The following IFT140 variants were observed in gnomAD, a reference collection of about 807,000 sequenced individuals.
IFT140 encodes the protein intraflagellar transport protein 140 homolog.
In IFT140, 133 loss-of-function variants were observed where a neutral mutation model predicts 164.6. That is an observed-to-expected ratio of 0.81 (90% CI 0.70 to 0.93). IFT140 has a LOEUF of 0.93. IFT140 is among the 40% of genes least tolerant of loss of function. The probability of loss-of-function intolerance (pLI) is 0.00; values close to 1 mark genes in which losing one functional copy is unlikely to be tolerated. For missense variants in IFT140, 2,045 were observed against 1,972.3 expected (o/e 1.04, Z -0.70); for synonymous variants, 860 against 817.3 (o/e 1.05, Z -0.89).
intron 19 of IFT140, 117 bp downstream of exon 19, chr16:1,557,818 G>A (rs1799262422): frequency 1.0e-6 from 1 of 982,188 alleles, no homozygotes; most frequent in South Asian, 1.5e-5. Context: ...AATACACCAT[G>A]ACGCAGTCAT....
Position 1,592,670 on chromosome 16 carries a change from C to T in IFT140, c.370-82G>A. ...AGGGACAGGTGTCCTGGCAGAGCGA[C>T]TGGTGGTGGGACAGGTGTCCCGGCA... is the stretch of plus-strand genomic sequence containing the variant. On this transcript the variant is annotated intron_variant, in intron 4 of 30. Coordinates refer to ENST00000426508, the MANE Select transcript of IFT140 (RefSeq NM_014714.4). The T allele has an allele frequency of 2.0e-6, 3 of 1,519,122 alleles. 1 individual carries two copies. The highest frequency in any genetic ancestry group is 2.7e-6 in the Non-Finnish European group (3 of 1,125,016). The allele number at this position is 1,519,122 out of a possible 1,614,324, so 94.1% of individuals were successfully genotyped here. A position where few individuals can be genotyped will look rare whatever the true frequency, so the allele number is the denominator to read the frequency against.
chr16:1,592,624 TCCCGG>T, intron 4 of IFT140, 36 bp from the exon 5 acceptor site: 3 of 1,588,030 alleles, frequency 1.9e-6, no homozygotes, highest in Non-Finnish European at 1.7e-6. Flanking sequence ...AGGACAGGTG[TCCCGG>T]CAGAGCGACT....
intron 16 of IFT140, 107 bp downstream of exon 16, chr16:1,566,054 G>T: frequency 9.8e-7 from 1 of 1,022,840 alleles, no homozygotes; most frequent in Non-Finnish European, 1.5e-6. Flanking sequence ...ACTGGTGCCT[G>T]CTGGGGCCTT....
In IFT140 at chr16:1,571,475, G is replaced by C; in HGVS notation, c.1584C>G (p.Asp528Glu). ...SETEGNPCFL[D>E]ICGNFLVVGT... ...CTACAACCAGGAAATTCCCACAGAT[G>C]TCCAAGAAGCAGGGATTCCCCTCAG... The change falls in exon 14 of 31, where the codon GAC becomes GAG. Residue 528 changes from aspartate to glutamate, a missense_variant. By Grantham distance (45) the Asp-to-Glu change is conservative (BLOSUM62 2). Transcript: ENST00000426508. The C allele has an allele frequency of 1.2e-6, 2 of 1,614,050 alleles. No homozygotes were observed. Among genetic ancestry groups the C allele is most frequent in the Non-Finnish European group, 1.7e-6 (2 of 1,179,904 alleles).
intron 19 of IFT140, among the ~76,000 whole-genome samples, chr16:1,545,034 C>T (rs1299345349): frequency 1.3e-5 from 2 of 152,246 alleles, no homozygotes. Flanking sequence ...TCGAAAATGA[C>T]AGCTTACTTC....
At position 1,520,611 on chromosome 16, in the gene IFT140, G is replaced by A. The variant is rs779670542; in HGVS notation, c.3651C>T (p.Asn1217=). ...GCCGGGAGAGGCTCACCTTCAGCTT[G>A]TTGCCGGCCTGCGTGTACTTCTTGG... ...LATKKYTQAG[N]KLKAMRALLK... is the part of the protein sequence containing the mutation. Residue 1217 remains asparagine, a synonymous_variant, in exon 27 of 31, where the codon AAC becomes AAT. Transcript: ENST00000426508. 2.5e-6 allele frequency: 4 copies of A among 1,583,348 alleles called. No homozygotes were observed. Among genetic ancestry groups the A allele is most frequent in the South Asian group, 2.3e-5 (2 of 87,910 alleles).
intron 19 of IFT140, among the ~76,000 whole-genome samples, chr16:1,542,645 G>C (rs2031760607): frequency 6.6e-6 from 1 of 152,272 alleles, no homozygotes; most frequent in Non-Finnish European, 1.5e-5. Context: ...GGACAAGACA[G>C]AGTGAGAACA....
At chr16:1,530,131 ATCT>A (rs2030298034) in intron 19 of IFT140, among the ~76,000 whole-genome samples, 1 of 126,540 alleles carries the variant, frequency 7.9e-6, no homozygotes, top group Admixed American at 7.5e-5. Flanking sequence ...CACGACGGGA[ATCT>A]TTTTTTTTTT....
intron 30 of IFT140, chr16:1,513,043 C>G (rs2040218882): frequency 6.6e-6 from 1 of 152,220 alleles, no homozygotes; most frequent in African/African-American, 2.4e-5. Flanking sequence ...GTTTCCCAAG[C>G]TCATTTCTCG....
chr16:1,517,846 TTTTTC>T (rs1024443805), intron 30 of IFT140, among the ~76,000 whole-genome samples: 4 of 152,150 alleles, frequency 2.6e-5, no homozygotes, highest in Admixed American at 6.5e-5. Context: ...ACAGATTTTT[TTTTTC>T]TTTTGAGACA....
intron 19 of IFT140, chr16:1,532,218 C>CA (rs1416173076): frequency 6.6e-6 from 1 of 152,302 alleles, no homozygotes; most frequent in Non-Finnish European, 1.5e-5. Flanking sequence ...CGTCAGGTTC[C>CA]GGGGGCTGAG....
rs551350539 is a variant in IFT140 at position 1,543,353 on chromosome 16, G to A, written c.2399+14582C>T. On this transcript the variant is annotated intron_variant, in intron 19 of 30. Coordinates refer to ENST00000426508, the MANE Select transcript of IFT140 (RefSeq NM_014714.4). Reference sequence around the variant, plus strand: ...ATTTCCAGAAGGAGGCTGACAGACTGTGGGGGCAGGTATTCCTGTGCTGGA... The same window carrying A: ...ATTTCCAGAAGGAGGCTGACAGACTATGGGGGCAGGTATTCCTGTGCTGGA... Among the ~76,000 whole-genome samples, 218 of 152,354 alleles carry A rather than the reference G, an allele frequency of 1.4e-3. 1 individual carries two copies. The highest frequency in any genetic ancestry group is 5.1e-3 in the African/African-American group (210 of 41,582).
At chr16:1,607,071 C>T in intron 3 of IFT140, 49 bp downstream of exon 3, 1 of 1,592,364 alleles carries the variant, frequency 6.3e-7, no homozygotes, top group Non-Finnish European at 8.6e-7. Flanking sequence ...ACACAAACAA[C>T]ATGAGCCAGA....
At chr16:1,598,517 G>T (rs935315130) in intron 4 of IFT140, among the ~76,000 whole-genome samples, 8 of 152,164 alleles carry the variant, frequency 5.3e-5, no homozygotes, top group Admixed American at 3.9e-4. Context: ...GATAGCAAGA[G>T]AAACATAAAT....
intron 9 of IFT140, 56 bp downstream of exon 9, chr16:1,587,142 G>T (rs1378628071): frequency 3.7e-6 from 4 of 1,091,144 alleles, no homozygotes; most frequent in Non-Finnish European, 5.6e-6. Context: ...TTTGCAGCCG[G>T]CGCACAATGC....
In IFT140 at chr16:1,524,196, C is replaced by T. The variant is rs543015728; in HGVS notation, c.3142-240G>A. ...GAAATACCTGACACGGGAGATGCTT[C>T]TGGAAGCGAGAGCCCAGGTTGGGAC... On this transcript the variant is annotated intron_variant, in intron 24 of 30. Transcript: ENST00000426508. 1.4e-4 allele frequency: 88 copies of T among 629,452 alleles called. No homozygotes were observed. The African/African-American group carries it at 1.5e-3, about 11-fold the overall frequency. The allele number at this position is 629,452 out of a possible 1,614,324, so 39.0% of individuals were successfully genotyped here.
intron 4 of IFT140, 138 bp downstream of exon 4, chr16:1,602,232 A>G (rs1256980962): frequency 1.1e-5 from 9 of 800,176 alleles, no homozygotes; most frequent in Non-Finnish European, 1.8e-5. Flanking sequence ...CCAATATAAA[A>G]CAAAATCTAC....
chr16:1,526,655 G>C lies in IFT140; in HGVS notation c.2541C>G (p.Ala847=), dbSNP rs1186893619. 2 of 1,592,124 alleles carry C rather than the reference G, an allele frequency of 1.3e-6. No homozygotes were observed. Among genetic ancestry groups the C allele is most frequent in the Non-Finnish European group, 1.7e-6 (2 of 1,174,182 alleles). ...REAEQEPELE[A]RVAVLATQLG... ...GCTGCGTGGCCAGCACGGCCACGCG[G>C]GCCTCTAGCTCCGGCTCCTGCTCCG... is the stretch of plus-strand genomic sequence containing the variant. Residue 847 remains alanine (A), a synonymous_variant, in exon 20 of 31, where the codon GCC becomes GCG. Transcript: ENST00000426508.
intron 3 of IFT140, chr16:1,604,274 CGTGTGTGTGTGTGTGTGTGT>C (rs377259663): frequency 1.5e-5 from 2 of 129,812 alleles, no homozygotes; most frequent in Admixed American, 8.0e-5. Context: ...GCTGCAAGGG[CGTGTGTGTGTGTGTGTGTGT>C]GTGTGTGTGT....
Sources: gnomAD v4.1 joint callset for allele counts (sites outside exome capture counted in the v4.1 genomes callset) on GRCh38, gnomAD v4.1.1 for gene constraint, MANE v1.5 for transcripts, NCBI Gene and HGNC (gene_info 2026-07-23, HGNC 2026-07-21) for gene names.